Variants in MGST2 observed in about 807,000 individuals in gnomAD.
MGST2 encodes glutathione peroxidase MGST2.
Under a neutral mutation model 16.6 loss-of-function variants are expected in MGST2, and 9 were observed. The observed-to-expected ratio is 0.54, with a 90% confidence interval of 0.33 to 0.95. MGST2 has a LOEUF of 0.95. MGST2 is among the 40% of genes least tolerant of loss of function. The pLI, the probability that MGST2 is intolerant of heterozygous loss-of-function variation, is 0.03. For synonymous variants in MGST2, 79 were observed against 68.0 expected (o/e 1.16, Z -0.79); for missense variants, 159 against 175.1 (o/e 0.91, Z 0.52).
intron 3 of MGST2, among the ~76,000 whole-genome samples, chr4:139,695,710 T>C (rs781399559): frequency 6.6e-6 from 1 of 152,224 alleles, no homozygotes; most frequent in Non-Finnish European, 1.5e-5. Context: ...ATCAGAGTGC[T>C]ATGTTGCAGG....
the MGST2 span, among the ~76,000 whole-genome samples, chr4:139,747,588 G>T: frequency 1.3e-5 from 2 of 152,090 alleles, no homozygotes. Context: ...CAGCTACTTG[G>T]GAGGCTGAGG....
Position 139,715,383 on chromosome 4 carries a change from A to G in MGST2, c.*48+11187A>G, listed in dbSNP as rs1727907439. Among the ~76,000 whole-genome samples, 1 of 152,132 alleles carries G rather than the reference A, an allele frequency of 6.6e-6. No homozygotes were observed. The highest frequency in any genetic ancestry group is 1.5e-5 in the Non-Finnish European group (1 of 68,028). ...GCTGTTGGGTCTAGGTTTCTACACT[A>G]TTGTCCCTTCGGTGGTTGCCAGAAA... is the stretch of plus-strand genomic sequence containing the variant. On this transcript the variant is annotated intron_variant, in intron 5 of 5. Coordinates refer to the MGST2 transcript ENST00000616265. The surrounding 1 kb of genome is among the most constrained non-coding windows in gnomAD (Gnocchi z 4.4).
chr4:139,678,816 G>A (rs530603199), intron 2 of MGST2, 174 bp downstream of exon 2: 64 of 655,412 alleles, frequency 9.8e-5, no homozygotes, highest in African/African-American at 8.8e-4. Context: ...TGAAGGGTTC[G>A]GGGCATGAAG....
intron 2 of MGST2, among the ~76,000 whole-genome samples, chr4:139,679,352 G>A (rs1035533265): frequency 2.0e-5 from 3 of 152,172 alleles, no homozygotes; most frequent in Admixed American, 1.3e-4. Context: ...AGTGAGATTG[G>A]CCTACACTTT....
chr4:139,702,832 T>G (rs1727323683), intron 3 of MGST2, among the ~76,000 whole-genome samples: 1 of 149,126 alleles, frequency 6.7e-6, no homozygotes, highest in Non-Finnish European at 1.5e-5. Flanking sequence ...TCACCAACAT[T>G]TTGTGTTACT....
chr4:139,746,692 C>G, the MGST2 span, among the ~76,000 whole-genome samples: 1 of 152,206 alleles, frequency 6.6e-6, no homozygotes, highest in Non-Finnish European at 1.5e-5. Flanking sequence ...CCTCCGCAGG[C>G]AGCCAATTTG....
chr4:139,700,345 A>G (rs1308631810), intron 3 of MGST2, among the ~76,000 whole-genome samples: 2 of 151,880 alleles, frequency 1.3e-5, no homozygotes, highest in South Asian at 4.2e-4. Context: ...GTTAGCCAGG[A>G]TGGTCTCGAT....
At chr4:139,703,349 T>C in intron 3 of MGST2, 106 bp from the exon 4 acceptor site, 1 of 915,940 alleles carries the variant, frequency 1.1e-6, no homozygotes, top group Non-Finnish European at 1.8e-6. Flanking sequence ...TATAAGTATC[T>C]TGTCCAATAT....
intron 2 of MGST2, among the ~76,000 whole-genome samples, chr4:139,694,978 G>A (rs567355777): frequency 3.9e-5 from 6 of 152,214 alleles, no homozygotes; most frequent in South Asian, 4.1e-4. Flanking sequence ...TTCTACTACC[G>A]GCAACTTAAT....
chr4:139,729,623 G>A lies in MGST2; in HGVS notation c.*49-10589G>A, dbSNP rs530249791. 2.0e-5 allele frequency among the ~76,000 whole-genome samples: 3 copies of A among 152,226 alleles called. No individual in the cohort carries two copies. In the East Asian group the frequency reaches 5.8e-4, roughly 29 times the overall value. ...CTCTGTGCAGACCCTCACAGAAGCCGCCTGGGGATCTCTTGTGGACAGCCT... is the reference window on the plus strand; with the variant it reads ...CTCTGTGCAGACCCTCACAGAAGCCACCTGGGGATCTCTTGTGGACAGCCT... On this transcript the variant is annotated intron_variant, in intron 5 of 5. Transcript: ENST00000616265.
At chr4:139,701,889 C>A (rs1727268548) in intron 3 of MGST2, among the ~76,000 whole-genome samples, 1 of 151,974 alleles carries the variant, frequency 6.6e-6, no homozygotes, top group Admixed American at 6.6e-5. Context: ...ATTGCTTGAG[C>A]CCAGGAGGTT....
chr4:139,738,543 T>TCAAA (rs1367532508), intron 5 of MGST2, among the ~76,000 whole-genome samples: 1 of 152,114 alleles, frequency 6.6e-6, no homozygotes, highest in Non-Finnish European at 1.5e-5. Context: ...ACACTCTGTC[T>TCAAA]CAAACAAACA....
chr4:139,704,133 G>A lies in MGST2; in HGVS notation c.429G>A (p.Leu143=), dbSNP rs776827423. Residue 143 remains leucine, a synonymous_variant, in exon 5 of 5, where the codon CTG becomes CTA. Coordinates refer to ENST00000265498, the MANE Select transcript of MGST2 (RefSeq NM_002413.5). ...TGGACCTCAATATTGCCAAGAAACT[G>A]AGGCGGCAATTCTAACTTTTTCTCT... ...EYLDLNIAKK[L]RRQF is the part of the protein sequence containing the mutation. 6.2e-7 allele frequency: 1 copy of A among 1,614,188 alleles called. No homozygotes were observed.
At chr4:139,729,653 C>T (rs1002790705) in intron 5 of MGST2, among the ~76,000 whole-genome samples, 2 of 152,092 alleles carry the variant, frequency 1.3e-5, no homozygotes, top group African/African-American at 4.8e-5. Flanking sequence ...CAGCCTCAGG[C>T]CTTTCCCTAG....
At chr4:139,719,468 T>C in intron 5 of MGST2, 2 of 1,613,968 alleles carry the variant, frequency 1.2e-6, no homozygotes, top group South Asian at 1.1e-5. Flanking sequence ...GTATGACACG[T>C]CCTGAGGGGC....
At chr4:139,709,071 A>AATTTTTTTTTTTTTTTTTTTTTTTTTT (rs755140695), downstream of MGST2, among the ~76,000 whole-genome samples, 1 of 81,970 alleles carries the variant, frequency 1.2e-5, no homozygotes, top group Non-Finnish European at 2.2e-5. Flanking sequence ...AATGGAAAAA[A>AATTTTTTTTTTTTTTTTTTTTTTTTTT]TTTTTTTTTT....
At chr4:139,739,123 T>G (rs1379755415) in intron 5 of MGST2, among the ~76,000 whole-genome samples, 1 of 152,222 alleles carries the variant, frequency 6.6e-6, no homozygotes, top group Non-Finnish European at 1.5e-5. Context: ...CTCAACTGAC[T>G]AATTGGCTGG....
At chr4:139,701,752 C>A (rs971780870) in intron 3 of MGST2, among the ~76,000 whole-genome samples, 1 of 151,852 alleles carries the variant, frequency 6.6e-6, no homozygotes, top group African/African-American at 2.4e-5. Context: ...TGGCTTGAGT[C>A]CAGGAGTTCA....
At chr4:139,667,097 T>A (rs2110775386) in intron 1 of MGST2, among the ~76,000 whole-genome samples, 1 of 152,310 alleles carries the variant, frequency 6.6e-6, no homozygotes, top group South Asian at 2.1e-4. Flanking sequence ...TGAGTTTAAT[T>A]GAGCAAAGAA....
Sources: allele counts gnomAD v4.1 joint callset (sites outside exome capture counted in the v4.1 genomes callset), GRCh38; gene constraint gnomAD v4.1.1; non-coding constraint Gnocchi (gnomAD v3.1); transcripts MANE v1.5; gene names NCBI Gene and HGNC (gene_info 2026-07-23, HGNC 2026-07-21).